Variants in LMNB2 observed in about 807,000 individuals in gnomAD.
LMNB2 encodes lamin-B2.
Under a neutral mutation model 69.3 loss-of-function variants are expected in LMNB2, and 17 were observed. That is an observed-to-expected ratio of 0.25 (90% CI 0.17 to 0.37). The LOEUF (loss-of-function observed/expected upper bound fraction) is 0.37, where lower values mean the gene tolerates loss of function less well. Among genes scored for constraint, LMNB2 ranks in the 10% least tolerant of loss-of-function variants. LMNB2 has a pLI of 1.00. For synonymous variants in LMNB2, 397 were observed against 389.3 expected, an observed-to-expected ratio of 1.02 and a Z score of -0.23; for missense variants, 789 against 883.6, an observed-to-expected ratio of 0.89 and a Z score of 1.36.
chr19:2,444,264 G>C (rs1971928993), intron 2 of LMNB2, 140 bp downstream of exon 2: 1 of 975,434 alleles, frequency 1.0e-6, no homozygotes, highest in Non-Finnish European at 1.6e-6. Flanking sequence ...GCCACTGGTG[G>C]GGGAGAGAGG....
intron 4 of LMNB2, among the ~76,000 whole-genome samples, chr19:2,437,793 C>T (rs572477961): frequency 4.5e-5 from 3 of 66,798 alleles, no homozygotes; most frequent in African/African-American, 3.0e-4. Context: ...GAGTGAAACT[C>T]CATCTCAAAA....
chr19:2,451,829 A>G (rs1456460030), intron 1 of LMNB2, among the ~76,000 whole-genome samples: 1 of 147,594 alleles, frequency 6.8e-6, no homozygotes, highest in Non-Finnish European at 1.5e-5. Context: ...AAATGCAAAC[A>G]CCGGCTTGGG....
At chr19:2,434,649 G>A (rs1270647935) in intron 6 of LMNB2, 134 bp from the exon 7 acceptor site, 4 of 1,493,512 alleles carry the variant, frequency 2.7e-6, no homozygotes, top group Admixed American at 4.0e-5. Flanking sequence ...GCGCACGGGA[G>A]GGGAGGGAAG....
chr19:2,432,319 T>TCCCCCCC, intron 9 of LMNB2, 97 bp downstream of exon 9: 1 of 894,716 alleles, frequency 1.1e-6, no homozygotes, highest in East Asian at 2.5e-5. Context: ...GCCACCATCA[T>TCCCCCCC]CCCCACCCAC....
At chr19:2,431,947 C>T (rs774336469) in intron 9 of LMNB2, 45 bp from the exon 10 acceptor site, 1 of 1,579,558 alleles carries the variant, frequency 6.3e-7, no homozygotes, top group African/African-American at 1.3e-5. Flanking sequence ...ACCTCTGGTT[C>T]CAGGGACGTG....
At chr19:2,452,021 G>T (rs11084941) in intron 1 of LMNB2, among the ~76,000 whole-genome samples, 3 of 151,900 alleles carry the variant, frequency 2.0e-5, no homozygotes, top group Non-Finnish European at 2.9e-5. Flanking sequence ...TGCCTCTCCC[G>T]CGCCTGGACA....
At chr19:2,451,631 G>A (rs1331338203) in intron 1 of LMNB2, among the ~76,000 whole-genome samples, 1 of 152,166 alleles carries the variant, frequency 6.6e-6, no homozygotes, top group East Asian at 1.9e-4. Context: ...CATCTTTCAC[G>A]GCATCTAGCA....
At position 2,447,649 on chromosome 19, in the gene LMNB2, G is replaced by A. The variant is rs749297808; in HGVS notation, c.265-3109C>T. 1.4e-4 allele frequency among the ~76,000 whole-genome samples: 22 copies of A among 152,188 alleles called. No individual in the cohort carries two copies. Among genetic ancestry groups the A allele is most frequent in the Admixed American group, 2.0e-4 (3 of 15,284 alleles). On this transcript the variant is annotated intron_variant, in intron 1 of 11. Transcript: ENST00000325327. The surrounding 1 kb of genome is among the most constrained non-coding windows in gnomAD (Gnocchi z 4.4). The stretch of plus-strand genomic sequence containing the variant: ...CAGGCCCAGCACCACCCGCTAGAAC[G>A]CCGTGATGTTCCCACAGCCCTACAG...
Position 2,438,441 on chromosome 19 carries a change from T to C in LMNB2, c.492A>G (p.Ala164=), listed in dbSNP as rs1216335145. The change falls in exon 3 of 12, where the codon GCA becomes GCG. Residue 164 remains alanine (A), a synonymous_variant. Transcript: ENST00000325327. ...SLFHRSEVEL[A]AALSDKRGLE... is the part of the protein sequence containing the mutation. ...GGCCGCGCTTGTCGCTGAGGGCAGC[T>C]GCCAGCTCCACCTCGCTCCGGTGGA... 1 of 1,612,448 alleles carries C rather than the reference T, an allele frequency of 6.2e-7. No individual in the cohort carries two copies. The highest frequency in any genetic ancestry group is 1.3e-5 in the African/African-American group (1 of 74,906).
Position 2,431,462 on chromosome 19 carries a change from G to A in LMNB2, c.1821+86C>T, listed in dbSNP as rs1379011955. The A allele has an allele frequency of 8.9e-6, 14 of 1,574,348 alleles. No individual in the cohort carries two copies. The Admixed American group carries it at 1.0e-4, about 11-fold the overall frequency. The stretch of plus-strand genomic sequence containing the variant: ...CAGATGGAGCTCCCGTCGGGGATGC[G>A]GCCAGCACGCATGTGTATGTGTGTG... On this transcript the variant is annotated intron_variant, in intron 11 of 11. Coordinates refer to ENST00000325327, the MANE Select transcript of LMNB2 (RefSeq NM_032737.4).
In LMNB2 at chr19:2,438,639, C is replaced by T. The variant is rs1393982340; in HGVS notation, c.402-108G>A. 19 of 1,370,948 alleles carry T rather than the reference C, an allele frequency of 1.4e-5. 1 individual carries two copies. Among genetic ancestry groups the T allele is most frequent in the Middle Eastern group, 2.6e-4 (1 of 3,844 alleles). The allele number at this position is 1,370,948 out of a possible 1,614,324, so 84.9% of individuals were successfully genotyped here. On this transcript the variant is annotated intron_variant, in intron 2 of 11. Transcript: ENST00000325327. Reference sequence around the variant, plus strand: ...CCAAAGACAAGGTCACCGAGGCCTCCGAGCCCCAGACCTTCCCGTCCTGCA... The same window carrying T: ...CCAAAGACAAGGTCACCGAGGCCTCTGAGCCCCAGACCTTCCCGTCCTGCA...
chr19:2,431,514 G>GC lies in LMNB2; in HGVS notation c.1821+33dup, dbSNP rs771449718. 9 of 1,613,354 alleles carry GC rather than the reference G, an allele frequency of 5.6e-6. No individual in the cohort carries two copies. The East Asian group carries it at 1.3e-4, about 24-fold the overall frequency. ...ACGAGCTCACTCTGCCCCAGAGGCTGCCCCCCAGCCGCAAGTGGGCACAGG... is the reference window on the plus strand; with the variant it reads ...ACGAGCTCACTCTGCCCCAGAGGCTGCCCCCCCAGCCGCAAGTGGGCACAGG... On this transcript the variant is annotated intron_variant, in intron 11 of 11. Transcript: ENST00000325327.
chr19:2,434,940 G>T, intron 5 of LMNB2, 27 bp from the exon 6 acceptor site: 1 of 1,587,414 alleles, frequency 6.3e-7, no homozygotes, highest in Non-Finnish European at 8.5e-7. Context: ...GGGTGAGTGC[G>T]GGCGCGGGGC....
chr19:2,432,300 G>A, intron 9 of LMNB2, 116 bp downstream of exon 9: 1 of 856,920 alleles, frequency 1.2e-6, no homozygotes. Context: ...CTCTGAGACG[G>A]TGCCTGGTGC....
chr19:2,444,360 G>A (rs1971930076), intron 2 of LMNB2, 44 bp downstream of exon 2: 1 of 1,611,362 alleles, frequency 6.2e-7, no homozygotes, highest in Non-Finnish European at 8.5e-7. Context: ...CCACCCCGTG[G>A]TGCCAGGATC....
At chr19:2,440,579 C>G (rs973897935) in intron 2 of LMNB2, among the ~76,000 whole-genome samples, 3 of 152,022 alleles carry the variant, frequency 2.0e-5, no homozygotes, top group Non-Finnish European at 2.9e-5. Flanking sequence ...ATCATCCATC[C>G]ATCCATCCAC....
intron 9 of LMNB2, 37 bp from the exon 10 acceptor site, chr19:2,431,939 C>G: frequency 6.3e-7 from 1 of 1,591,822 alleles, no homozygotes; most frequent in Non-Finnish European, 8.5e-7. Context: ...TCAGGGTCAC[C>G]TCTGGTTCCA....
intron 2 of LMNB2, among the ~76,000 whole-genome samples, chr19:2,439,506 C>G (rs1971869362): frequency 6.6e-6 from 1 of 152,180 alleles, no homozygotes; most frequent in South Asian, 2.1e-4. Flanking sequence ...GAGCTTCTTG[C>G]TGCCCAGTTT....
At position 2,430,639 on chromosome 19, in the gene LMNB2, C is replaced by CTCG; in HGVS notation, c.*271_*272insCGA. ...CAAGCCCAAGCATCTTCTAAACCTC[C>CTCG]GGGTCCTGGCCCTGGGCTTCCAATT... On this transcript the variant is annotated 3_prime_UTR_variant, in exon 12 of 12. Transcript: ENST00000325327. The CTCG allele has an allele frequency of 1.8e-6, 1 of 541,350 alleles. No homozygotes were observed. The highest frequency in any genetic ancestry group is 2.8e-5 in the Admixed American group (1 of 35,244). 33.5% of individuals were successfully genotyped at this position (541,350 alleles called of 1,614,324 possible).
Sources: allele counts gnomAD v4.1 joint callset (sites outside exome capture counted in the v4.1 genomes callset), GRCh38; gene constraint gnomAD v4.1.1; non-coding constraint Gnocchi (gnomAD v3.1); transcripts MANE v1.5; gene names NCBI Gene and HGNC (gene_info 2026-07-23, HGNC 2026-07-21).